The following TBC1D23 variants were observed in gnomAD, a reference collection of about 807,000 sequenced individuals.
The protein encoded by TBC1D23 is HCV non-structural protein 4A-transactivated protein 1.
Under a neutral mutation model 91.4 loss-of-function variants are expected in TBC1D23, and 55 were observed. That is an observed-to-expected ratio of 0.60 (90% CI 0.48 to 0.75). The LOEUF is 0.75. Among genes scored for constraint, TBC1D23 ranks in the 30% least tolerant of loss-of-function variants. The pLI, the probability that TBC1D23 is intolerant of heterozygous loss-of-function variation, is 0.00. For missense variants in TBC1D23, 725 were observed against 836.1 expected (o/e 0.87, Z 1.64); for synonymous variants, 289 against 281.0 (o/e 1.03, Z -0.28).
In TBC1D23 at chr3:100,278,833, A is replaced by C. The variant is rs929404275; in HGVS notation, c.54-816A>C. On this transcript the variant is annotated intron_variant, in intron 1 of 18. Coordinates refer to ENST00000394144, the MANE Select transcript of TBC1D23 (RefSeq NM_001199198.3). The stretch of plus-strand genomic sequence containing the variant: ...CGTAGACTGAACAAAACTGCTTGGT[A>C]ATTTACTTGATGATGTGATATTATT... 4.6e-5 allele frequency among the ~76,000 whole-genome samples: 7 copies of C among 152,342 alleles called. No individual in the cohort carries two copies. The East Asian group carries it at 1.3e-3, about 29-fold the overall frequency.
In TBC1D23 at chr3:100,279,764, A is replaced by G. The variant is rs1313946886; in HGVS notation, c.165+4A>G. On this transcript the variant is annotated splice_donor_region_variant and intron_variant, in intron 2 of 18. Transcript: ENST00000394144. ...TCTGAGGGCCAAAGTTTGGAAGGTAACTAGAAACTAAAATGAATAAAATGT... is the reference window on the plus strand; with the variant it reads ...TCTGAGGGCCAAAGTTTGGAAGGTAGCTAGAAACTAAAATGAATAAAATGT... The G allele has an allele frequency of 6.6e-7, 1 of 1,522,380 alleles. No homozygotes were observed. The highest frequency in any genetic ancestry group is 1.2e-5 in the South Asian group (1 of 84,642). The allele number at this position is 1,522,380 out of a possible 1,614,324, so 94.3% of individuals were successfully genotyped here.
chr3:100,301,837 T>C (rs1216146755), intron 10 of TBC1D23: 1 of 421,678 alleles, frequency 2.4e-6, no homozygotes, highest in African/African-American at 2.1e-5. Context: ...AGAATTATTT[T>C]CTTTGCATCA....
chr3:100,264,962 T>G (rs1487296085), intron 1 of TBC1D23, among the ~76,000 whole-genome samples: 2 of 152,198 alleles, frequency 1.3e-5, no homozygotes, highest in Non-Finnish European at 2.9e-5. Context: ...GACTAGCTGC[T>G]GGGGGTTGCC....
intron 4 of TBC1D23, among the ~76,000 whole-genome samples, chr3:100,288,840 A>G (rs920094527): frequency 1.3e-5 from 2 of 152,228 alleles, no homozygotes; most frequent in Non-Finnish European, 2.9e-5. Flanking sequence ...GTTAACAGTA[A>G]CACCATACTT....
chr3:100,304,878 A>G lies in TBC1D23; in HGVS notation c.1296A>G (p.Gly432=). Residue 432 remains glycine, a synonymous_variant, in exon 12 of 19, where the codon GGA becomes GGG. Transcript: ENST00000394144. ...KNKEYVSIAS[G]GFMALQQHLA... The stretch of plus-strand genomic sequence containing the variant: ...AAGAATATGTGAGTATTGCCAGTGG[A>G]GGATTTATGGGTAAGATTTTGATTT... The G allele has an allele frequency of 6.7e-7, 1 of 1,492,542 alleles. No individual in the cohort carries two copies. Among genetic ancestry groups the G allele is most frequent in the Non-Finnish European group, 9.3e-7 (1 of 1,071,966 alleles). 92.5% of individuals were successfully genotyped at this position (1,492,542 alleles called of 1,614,324 possible).
At chr3:100,270,133 A>G (rs1016940465) in intron 1 of TBC1D23, among the ~76,000 whole-genome samples, 1 of 152,232 alleles carries the variant, frequency 6.6e-6, no homozygotes, top group Non-Finnish European at 1.5e-5. Context: ...GCCATCTGGC[A>G]TGTAAGCTAC....
Position 100,289,592 on chromosome 3 carries a change from G to A in TBC1D23, c.477-986G>A, listed in dbSNP as rs780495707. ...TGGGCTCAGATGCTTGGGTGCCTGG[G>A]TAGAGGGACAGTACTTTTCAGATCA... On this transcript the variant is annotated intron_variant, in intron 4 of 18. Transcript: ENST00000394144. 2.0e-5 allele frequency among the ~76,000 whole-genome samples: 3 copies of A among 152,248 alleles called. No homozygotes were observed. In the South Asian group the frequency reaches 6.2e-4, roughly 32 times the overall value.
chr3:100,278,458 T>G (rs1359422523), intron 1 of TBC1D23, among the ~76,000 whole-genome samples: 1 of 151,874 alleles, frequency 6.6e-6, no homozygotes, highest in Non-Finnish European at 1.5e-5. Flanking sequence ...TAATCTTGGC[T>G]CACTGCAACC....
chr3:100,310,571 G>T (rs776397067), intron 14 of TBC1D23, 29 bp downstream of exon 14: 1 of 1,554,222 alleles, frequency 6.4e-7, no homozygotes, highest in African/African-American at 1.4e-5. Flanking sequence ...ATGAGTTTAT[G>T]ATGAGTAATT....
chr3:100,310,656 G>T, intron 14 of TBC1D23, 114 bp downstream of exon 14: 2 of 771,296 alleles, frequency 2.6e-6, no homozygotes, highest in South Asian at 2.5e-5. Flanking sequence ...GGATTATAAA[G>T]TATATTTTCT....
At chr3:100,270,065 C>G (rs994567857) in intron 1 of TBC1D23, among the ~76,000 whole-genome samples, 1 of 152,188 alleles carries the variant, frequency 6.6e-6, no homozygotes, top group East Asian at 1.9e-4. Context: ...TTCAGAGCCG[C>G]TCCCACCTCT....
At chr3:100,312,164 G>C (rs1412050661) in intron 15 of TBC1D23, among the ~76,000 whole-genome samples, 1 of 152,100 alleles carries the variant, frequency 6.6e-6, no homozygotes, top group Non-Finnish European at 1.5e-5. Flanking sequence ...TCTGAGACAG[G>C]GGAAGGTGAA....
At chr3:100,320,010 T>C (rs1434627257) in intron 17 of TBC1D23, among the ~76,000 whole-genome samples, 1 of 152,100 alleles carries the variant, frequency 6.6e-6, no homozygotes, top group Non-Finnish European at 1.5e-5. Context: ...AAAGTATCTT[T>C]TGTAGTGTGT....
intron 8 of TBC1D23, among the ~76,000 whole-genome samples, chr3:100,297,211 A>G (rs1705313809): frequency 6.6e-6 from 1 of 152,136 alleles, no homozygotes; most frequent in Non-Finnish European, 1.5e-5. Flanking sequence ...AATAATTTCT[A>G]GTTGGTACTC....
chr3:100,277,814 G>T (rs1310416762), intron 1 of TBC1D23, among the ~76,000 whole-genome samples: 1 of 152,158 alleles, frequency 6.6e-6, no homozygotes, highest in South Asian at 2.1e-4. Flanking sequence ...CAGAAGAGAA[G>T]AGATAAACCC....
chr3:100,272,114 A>G (rs1043999128), intron 1 of TBC1D23, among the ~76,000 whole-genome samples: 3 of 152,208 alleles, frequency 2.0e-5, no homozygotes, highest in African/African-American at 4.8e-5. Flanking sequence ...ACATGTTTTT[A>G]TATCTTTTAA....
rs1019320825 is a variant in TBC1D23 at position 100,325,236 on chromosome 3, A to G, written c.*1568A>G. On this transcript the variant is annotated 3_prime_UTR_variant, in exon 19 of 19. Transcript: ENST00000394144. The stretch of plus-strand genomic sequence containing the variant: ...TGTAAATAAATTACTAGTTTGCCCA[A>G]AACTTTGTTCTTAAAGACACTGTCT... 14 of 152,206 alleles carry G rather than the reference A, an allele frequency of 9.2e-5. No homozygotes were observed. Among genetic ancestry groups the G allele is most frequent in the African/African-American group, 2.9e-4 (12 of 41,454 alleles). The allele number at this position is 152,206 out of a possible 1,614,324, so 9.4% of individuals were successfully genotyped here.
intron 2 of TBC1D23, among the ~76,000 whole-genome samples, chr3:100,280,375 G>A (rs1023908864): frequency 6.6e-6 from 1 of 152,198 alleles, no homozygotes; most frequent in African/African-American, 2.4e-5. Flanking sequence ...TGGCTGTTGG[G>A]TTATAGGAGA....
intron 15 of TBC1D23, among the ~76,000 whole-genome samples, chr3:100,312,638 A>G (rs1032634280): frequency 2.2e-4 from 34 of 152,116 alleles, no homozygotes; most frequent in Admixed American, 1.0e-3. Flanking sequence ...TACTCACAGA[A>G]TTTTTCAGCA....
Sources: allele counts gnomAD v4.1 joint callset (sites outside exome capture counted in the v4.1 genomes callset), GRCh38; gene constraint gnomAD v4.1.1; transcripts MANE v1.5; gene names NCBI Gene and HGNC (gene_info 2026-07-23, HGNC 2026-07-21).